Variants in IGFBP7 observed in about 807,000 individuals in gnomAD.
IGFBP7 encodes insulin like growth factor binding protein 7.
IGFBP7 carries 31 observed loss-of-function variants against 29.4 expected under a neutral mutation model. That is an observed-to-expected ratio of 1.05 (90% CI 0.79 to 1.42). IGFBP7 has a LOEUF of 1.42. IGFBP7 is among the 40% of genes most tolerant of loss of function. The pLI is 0.00. For synonymous variants in IGFBP7, 172 were observed against 174.9 expected, an observed-to-expected ratio of 0.98 and a Z score of 0.13; for missense variants, 393 against 395.5, an observed-to-expected ratio of 0.99 and a Z score of 0.05.
chr4:57,055,453 G>A (rs1038248790), intron 1 of IGFBP7, among the ~76,000 whole-genome samples: 3 of 152,190 alleles, frequency 2.0e-5, no homozygotes, highest in African/African-American at 4.8e-5. Flanking sequence ...AAGGAGGAGA[G>A]GGGGACAGAT....
chr4:57,051,569 C>T (rs1724502535), intron 1 of IGFBP7, among the ~76,000 whole-genome samples: 1 of 152,212 alleles, frequency 6.6e-6, no homozygotes, highest in Non-Finnish European at 1.5e-5. Context: ...GCTTCCTCTT[C>T]TCTAAATATA....
chr4:57,109,959 G>A lies in IGFBP7; in HGVS notation c.393C>T (p.Cys131=). The change falls in exon 1 of 5, where the codon TGC becomes TGT. Residue 131 remains cysteine, a synonymous_variant. Transcript: ENST00000295666. ...CCCTCTGGCTGGCGGCGCGCAGCTG[G>A]CAGCCGCTCGGGTAGGTGGTGCCGT... ...GSDGTTYPSG[C]QLRAASQRAE... 6.4e-7 allele frequency: 1 copy of A among 1,550,812 alleles called. No homozygotes were observed. Among genetic ancestry groups the A allele is most frequent in the Non-Finnish European group, 8.7e-7 (1 of 1,154,346 alleles).
intron 1 of IGFBP7, among the ~76,000 whole-genome samples, chr4:57,084,544 C>T (rs1725448833): frequency 6.6e-6 from 1 of 152,102 alleles, no homozygotes; most frequent in Admixed American, 6.6e-5. Context: ...ATCATTCCAC[C>T]TCCTCCATGA....
chr4:57,080,136 G>A (rs761440726), intron 1 of IGFBP7, among the ~76,000 whole-genome samples: 10 of 152,172 alleles, frequency 6.6e-5, no homozygotes, highest in Non-Finnish European at 1.0e-4. Context: ...ACAGGGCTTG[G>A]TGGGTACCTG....
In IGFBP7 at chr4:57,064,296, G is replaced by A. The variant is rs547476987; in HGVS notation, c.476-23363C>T. 6.6e-5 allele frequency among the ~76,000 whole-genome samples: 10 copies of A among 152,294 alleles called. No individual in the cohort carries two copies. The South Asian group carries it at 1.7e-3, about 25-fold the overall frequency. On this transcript the variant is annotated intron_variant, in intron 1 of 4. Coordinates refer to ENST00000295666, the MANE Select transcript of IGFBP7 (RefSeq NM_001553.3). ...TTCAGCCTAGTGATCTTCCCACCTC[G>A]GGAGGTTGCAGTGAGCTGAGATTGC...
intron 1 of IGFBP7, among the ~76,000 whole-genome samples, chr4:57,067,612 C>T (rs1199070127): frequency 6.6e-6 from 1 of 152,042 alleles, no homozygotes; most frequent in Non-Finnish European, 1.5e-5. Flanking sequence ...CAGCAATGTG[C>T]TTATAGTTAA....
chr4:57,109,442 AGTCT>A (rs2109811801), intron 1 of IGFBP7, among the ~76,000 whole-genome samples: 1 of 152,068 alleles, frequency 6.6e-6, no homozygotes, highest in East Asian at 1.9e-4. Flanking sequence ...TAAAAAAAAA[AGTCT>A]GTCTGGAAGT....
At chr4:57,098,625 T>A (rs11573035) in intron 1 of IGFBP7, among the ~76,000 whole-genome samples, 2,884 of 152,274 alleles carry the variant, frequency 0.019, 90 homozygotes, top group African/African-American at 0.066. Context: ...GTCAAATATC[T>A]GGCAGCGTCT....
chr4:57,054,493 G>A lies in IGFBP7; in HGVS notation c.476-13560C>T, dbSNP rs187257727. Among the ~76,000 whole-genome samples the A allele has an allele frequency of 1.9e-3, 289 of 152,066 alleles. 2 individuals carry two copies. The highest frequency in any genetic ancestry group is 6.4e-3 in the African/African-American group (267 of 41,466). The stretch of plus-strand genomic sequence containing the variant: ...ACTAAAAATACAAAAAATTAGTCAG[G>A]CTAATTTTGGTAGCACGTGCCTGTA... On this transcript the variant is annotated intron_variant, in intron 1 of 4. Transcript: ENST00000295666.
intron 1 of IGFBP7, among the ~76,000 whole-genome samples, chr4:57,108,071 G>T (rs544215112): frequency 6.6e-6 from 1 of 152,100 alleles, no homozygotes; most frequent in East Asian, 1.9e-4. Flanking sequence ...CTTAAATAAC[G>T]CACATTTATC....
chr4:57,038,211 C>T lies in IGFBP7; in HGVS notation c.585+2613G>A, dbSNP rs193149978. On this transcript the variant is annotated intron_variant, in intron 2 of 4. Coordinates refer to ENST00000295666, the MANE Select transcript of IGFBP7 (RefSeq NM_001553.3). ...GGGGAGCCAGAGCTTAGCAGGTGAC[C>T]CGACCTGGGCTTGAGCCCTTCGTGG... Among the ~76,000 whole-genome samples, 129 of 152,290 alleles carry T rather than the reference C, an allele frequency of 8.5e-4. 1 individual carries two copies. The highest frequency in any genetic ancestry group is 1.8e-3 in the Admixed American group (28 of 15,304).
At chr4:57,093,944 C>T (rs1408031339) in intron 1 of IGFBP7, among the ~76,000 whole-genome samples, 1 of 152,102 alleles carries the variant, frequency 6.6e-6, no homozygotes, top group Non-Finnish European at 1.5e-5. Context: ...ATTTTTTCCC[C>T]TTCCAGTAGA....
At position 57,110,164 on chromosome 4, in the gene IGFBP7, C is replaced by T. The variant is rs11555285; in HGVS notation, c.188G>A (p.Cys63Tyr). ...TRDACGCCPMCARGEGEPCGG... is the reference protein window; with the variant it reads ...TRDACGCCPMYARGEGEPCGG... ...GCACGGCTCGCCCTCGCCGCGGGCG[C>T]ACATAGGGCAGCAGCCGCACGCGTC... The change falls in exon 1 of 5, where the codon TGC becomes TAC. Residue 63 changes from cysteine to tyrosine, a missense_variant. Coordinates refer to ENST00000295666, the MANE Select transcript of IGFBP7 (RefSeq NM_001553.3). 1 of 1,442,178 alleles carries T rather than the reference C, an allele frequency of 6.9e-7. No homozygotes were observed. Among genetic ancestry groups the T allele is most frequent in the Non-Finnish European group, 9.0e-7 (1 of 1,107,340 alleles). 89.3% of individuals were successfully genotyped at this position (1,442,178 alleles called of 1,614,324 possible). A position where few individuals can be genotyped will look rare whatever the true frequency, so the allele number is the denominator to read the frequency against.
intron 1 of IGFBP7, among the ~76,000 whole-genome samples, chr4:57,089,236 T>C (rs1725577732): frequency 6.6e-6 from 1 of 152,214 alleles, no homozygotes; most frequent in Non-Finnish European, 1.5e-5. Flanking sequence ...TTATACAATT[T>C]ATAAAAATGA....
rs11573084 is a variant in IGFBP7, at chr4:57,056,105, G to C, written c.476-15172C>G. 3.6e-3 allele frequency among the ~76,000 whole-genome samples: 545 copies of C among 152,106 alleles called. 3 individuals are homozygous for C. Among genetic ancestry groups the C allele is most frequent in the Admixed American group, 6.3e-3 (97 of 15,280 alleles). ...AGCCGCGCATAACTGAGCTCCTCCT[G>C]CTCTTTCTCAGTGTTTTCCTCTTCT... On this transcript the variant is annotated intron_variant, in intron 1 of 4. Coordinates refer to ENST00000295666, the MANE Select transcript of IGFBP7 (RefSeq NM_001553.3).
At chr4:57,060,234 G>A (rs999570300) in intron 1 of IGFBP7, among the ~76,000 whole-genome samples, 1 of 152,120 alleles carries the variant, frequency 6.6e-6, no homozygotes, top group Non-Finnish European at 1.5e-5. Context: ...GCTTGTTCTC[G>A]AGTCCAATAA....
rs926443890 is a variant in IGFBP7, at chr4:57,035,990, T to C, written c.586-2679A>G. Among the ~76,000 whole-genome samples, 3 of 152,346 alleles carry C rather than the reference T, an allele frequency of 2.0e-5. No homozygotes were observed. In the East Asian group the frequency reaches 5.8e-4, roughly 29 times the overall value. On this transcript the variant is annotated intron_variant, in intron 2 of 4. Transcript: ENST00000295666. ...TCTTATAGCAATACAATCACTAGTA[T>C]GTATGATATGTGTACTTTGATGCTT...
intron 1 of IGFBP7, among the ~76,000 whole-genome samples, chr4:57,107,375 G>C (rs1239376713): frequency 3.3e-5 from 5 of 152,294 alleles, no homozygotes; most frequent in Admixed American, 2.6e-4. Context: ...TCTGAGAATA[G>C]AAGGGAACCT....
intron 1 of IGFBP7, among the ~76,000 whole-genome samples, chr4:57,078,419 A>T (rs768471023): frequency 4.0e-4 from 61 of 152,082 alleles, no homozygotes; most frequent in Non-Finnish European, 5.4e-4. Context: ...TTAATTAGCC[A>T]CTGCACAAGT....
Sources: allele counts gnomAD v4.1 joint callset (sites outside exome capture counted in the v4.1 genomes callset), GRCh38; gene constraint gnomAD v4.1.1; transcripts MANE v1.5; gene names NCBI Gene and HGNC (gene_info 2026-07-23, HGNC 2026-07-21).